COL19A1: variants seen among roughly 807,000 people sequenced by gnomAD.
The protein encoded by COL19A1 is collagen alpha-1(XIX) chain.
In COL19A1, 159 loss-of-function variants were observed where a neutral mutation model predicts 190.2. The observed-to-expected ratio is 0.84, with a 90% CI of 0.73 to 0.95. The LOEUF is 0.95. COL19A1 is among the 40% of genes least tolerant of loss of function. The pLI is 0.00. For missense variants in COL19A1, 1,418 were observed against 1,431.9 expected, an observed-to-expected ratio of 0.99 and a Z score of 0.16; for synonymous variants, 509 against 458.9, an observed-to-expected ratio of 1.11 and a Z score of -1.39.
Position 69,878,380 on chromosome 6 carries a change from A to AT in COL19A1, c.-32-1149dup, listed in dbSNP as rs201759413. On this transcript the variant is annotated intron_variant, in intron 1 of 50. Transcript: ENST00000620364. ...AGGTGCCCGCCACCGTGCCTGACTA[A>AT]TTTTTTTATATTTTTAGTAGAGAAG... 7.2e-4 allele frequency among the ~76,000 whole-genome samples: 109 copies of AT among 151,634 alleles called. No individual in the cohort carries two copies. The East Asian group carries it at 0.019, about 27-fold the overall frequency.
At chr6:69,995,668 A>G (rs1346654829) in intron 11 of COL19A1, among the ~76,000 whole-genome samples, 2 of 152,166 alleles carry the variant, frequency 1.3e-5, no homozygotes, top group Non-Finnish European at 2.9e-5. Context: ...GAAGTAGTGG[A>G]CTATTAACTA....
chr6:69,959,894 A>C, intron 9 of COL19A1, 102 bp from the exon 10 acceptor site: 1 of 971,780 alleles, frequency 1.0e-6, no homozygotes, highest in South Asian at 1.7e-5. Context: ...GTATTAGGCT[A>C]CCTTTCCCCA....
In COL19A1 at chr6:70,038,890, C is replaced by A. The variant is rs561349072; in HGVS notation, c.1170+2951C>A. On this transcript the variant is annotated intron_variant, in intron 14 of 50. Coordinates refer to ENST00000620364, the MANE Select transcript of COL19A1 (RefSeq NM_001858.6). ...TCGCATCCTGGCCAACATGGTGAAA[C>A]CCTGTCTCTACTAAAAATTAGCTGG... is the stretch of plus-strand genomic sequence containing the variant. Among the ~76,000 whole-genome samples the A allele has an allele frequency of 7.9e-5, 12 of 152,100 alleles. No individual in the cohort carries two copies. In the South Asian group the frequency reaches 2.5e-3, roughly 32 times the overall value.
At chr6:69,925,530 G>T in intron 4 of COL19A1, among the ~76,000 whole-genome samples, 1 of 152,126 alleles carries the variant, frequency 6.6e-6, no homozygotes, top group Admixed American at 6.6e-5. Flanking sequence ...GATGCCTCCA[G>T]CTTTTTTCTT....
chr6:70,002,507 G>A (rs531072839), intron 11 of COL19A1, among the ~76,000 whole-genome samples: 1 of 151,760 alleles, frequency 6.6e-6, no homozygotes, highest in South Asian at 2.1e-4. Flanking sequence ...TTGGTTGGCA[G>A]GCTATTAATT....
At chr6:69,954,579 T>G (rs1190693410) in intron 9 of COL19A1, among the ~76,000 whole-genome samples, 1 of 152,056 alleles carries the variant, frequency 6.6e-6, no homozygotes, top group Non-Finnish European at 1.5e-5. Flanking sequence ...ACAACAAAGT[T>G]TACAGGTATT....
At chr6:69,967,370 C>T (rs1173491634) in intron 11 of COL19A1, among the ~76,000 whole-genome samples, 6 of 152,200 alleles carry the variant, frequency 3.9e-5, no homozygotes, top group African/African-American at 1.4e-4. Flanking sequence ...AGCACTTCTT[C>T]GTGAATCATA....
chr6:70,009,522 T>G (rs1777851775), intron 11 of COL19A1, among the ~76,000 whole-genome samples: 1 of 152,128 alleles, frequency 6.6e-6, no homozygotes, highest in South Asian at 2.1e-4. Context: ...TGACAGTTCT[T>G]TAGATATTGA....
chr6:70,016,757 C>CT (rs1245090908), intron 11 of COL19A1, among the ~76,000 whole-genome samples: 2 of 151,752 alleles, frequency 1.3e-5, no homozygotes, highest in Non-Finnish European at 2.9e-5. Context: ...ATGTGAATGT[C>CT]TAACAAGCAG....
At chr6:70,164,194 G>A (rs191189703) in intron 36 of COL19A1, among the ~76,000 whole-genome samples, 3 of 152,168 alleles carry the variant, frequency 2.0e-5, no homozygotes, top group African/African-American at 7.2e-5. Flanking sequence ...GGACAGATGG[G>A]TTGCCATGGT....
chr6:70,098,509 AT>A, intron 15 of COL19A1: 1 of 479,636 alleles, frequency 2.1e-6, no homozygotes, highest in South Asian at 1.6e-5. Context: ...CAGTCCTGGT[AT>A]TATTTCATCT....
intron 11 of COL19A1, among the ~76,000 whole-genome samples, chr6:70,000,276 C>T (rs147909415): frequency 1.5e-4 from 23 of 152,220 alleles, no homozygotes; most frequent in African/African-American, 5.1e-4. Flanking sequence ...CATTGATGGG[C>T]ATTTGGGTTG....
At chr6:70,202,854 T>G (rs1240800245) in intron 49 of COL19A1, among the ~76,000 whole-genome samples, 2 of 152,204 alleles carry the variant, frequency 1.3e-5, no homozygotes, top group Non-Finnish European at 2.9e-5. Flanking sequence ...GGGGTGATTG[T>G]CGATGTCTTT....
chr6:69,870,917 T>C (rs1035462713), intron 1 of COL19A1, among the ~76,000 whole-genome samples: 3 of 152,168 alleles, frequency 2.0e-5, no homozygotes, highest in Non-Finnish European at 4.4e-5. Flanking sequence ...AGATTTGATA[T>C]GGGGTGAGGG....
At chr6:69,900,553 A>G (rs1005464766) in intron 4 of COL19A1, among the ~76,000 whole-genome samples, 12 of 152,148 alleles carry the variant, frequency 7.9e-5, no homozygotes, top group Admixed American at 6.5e-4. Flanking sequence ...TATGTACAGA[A>G]AAAGGCACGA....
intron 4 of COL19A1, among the ~76,000 whole-genome samples, chr6:69,920,093 C>T (rs1044405378): frequency 6.6e-6 from 1 of 151,458 alleles, no homozygotes; most frequent in Non-Finnish European, 1.5e-5. Context: ...CAATTCATGC[C>T]CCTTGCAAAA....
chr6:69,999,873 A>T (rs1233722841), intron 11 of COL19A1, among the ~76,000 whole-genome samples: 1 of 152,050 alleles, frequency 6.6e-6, no homozygotes, highest in Non-Finnish European at 1.5e-5. Flanking sequence ...GTATTTTTTT[A>T]ATTTTAAAAT....
intron 18 of COL19A1, among the ~76,000 whole-genome samples, chr6:70,133,603 A>G (rs979219649): frequency 2.0e-5 from 3 of 152,218 alleles, no homozygotes; most frequent in Non-Finnish European, 2.9e-5. Context: ...CCCTCCTGAG[A>G]AAATAGCAGG....
In COL19A1 at chr6:70,146,667, T is replaced by G; in HGVS notation, c.1779T>G (p.Asp593Glu). ...GKSLPGEPGL[D>E]GNPGAPGPRG... Reference sequence around the variant, plus strand: ...TACTTTTTTTCTTTTAGGGATTAGATGGAAATCCTGGAGCACCTGGTCCAC... The same window carrying G: ...TACTTTTTTTCTTTTAGGGATTAGAGGGAAATCCTGGAGCACCTGGTCCAC... Residue 593 changes from aspartate to glutamate, a missense_variant, in exon 26 of 51, where the codon GAT becomes GAG. Physicochemically the swap from Asp to Glu is conservative, Grantham distance 45. Transcript: ENST00000620364. 6.2e-7 allele frequency: 1 copy of G among 1,607,010 alleles called. No homozygotes were observed. The highest frequency in any genetic ancestry group is 8.5e-7 in the Non-Finnish European group (1 of 1,176,828).
Sources: allele counts gnomAD v4.1 joint callset (sites outside exome capture counted in the v4.1 genomes callset), GRCh38; gene constraint gnomAD v4.1.1; transcripts MANE v1.5; gene names NCBI Gene and HGNC (gene_info 2026-07-23, HGNC 2026-07-21).